ARHGAP42: variants seen among roughly 807,000 people sequenced by gnomAD.
The protein encoded by ARHGAP42 is Rho GTPase activating protein 42.
A neutral mutation model predicts 125.0 loss-of-function variants in ARHGAP42; 63 were observed. The ratio of observed to expected loss-of-function variants is 0.50; its 90% confidence interval spans 0.41 to 0.62. ARHGAP42 has a LOEUF of 0.62. Among genes scored for constraint, ARHGAP42 ranks in the 20% least tolerant of loss-of-function variants. ARHGAP42 has a pLI of 0.00. For synonymous variants in ARHGAP42, 339 were observed against 351.0 expected, an observed-to-expected ratio of 0.97 and a Z score of 0.38; for missense variants, 766 against 1,024.2, an observed-to-expected ratio of 0.75 and a Z score of 3.44.
chr11:100,957,616 T>G (rs1857839718), intron 12 of ARHGAP42, among the ~76,000 whole-genome samples: 1 of 152,128 alleles, frequency 6.6e-6, no homozygotes, highest in Non-Finnish European at 1.5e-5. Flanking sequence ...TGGTTATTTT[T>G]GCCAACACAG....
At chr11:100,980,559 C>T (rs4298870) in intron 22 of ARHGAP42, among the ~76,000 whole-genome samples, 21 of 51,944 alleles carry the variant, frequency 4.0e-4, no homozygotes, top group Non-Finnish European at 5.8e-4. Context: ...TTTTCTTCTT[C>T]TTTTTTTTTT....
chr11:100,930,032 G>C (rs1736979236), intron 6 of ARHGAP42, among the ~76,000 whole-genome samples: 1 of 152,174 alleles, frequency 6.6e-6, no homozygotes, highest in African/African-American at 2.4e-5. Flanking sequence ...CTATACCCTT[G>C]GGAATAATAA....
chr11:100,820,968 G>GT (rs1864391836), intron 3 of ARHGAP42, among the ~76,000 whole-genome samples: 2 of 139,510 alleles, frequency 1.4e-5, no homozygotes, highest in Non-Finnish European at 3.1e-5. Context: ...TTGTTTGTTT[G>GT]TTTTTGTTTT....
At chr11:100,969,925 G>A (rs1469009605) in intron 17 of ARHGAP42, among the ~76,000 whole-genome samples, 1 of 151,992 alleles carries the variant, frequency 6.6e-6, no homozygotes, top group Non-Finnish European at 1.5e-5. Flanking sequence ...CTGTTTTGTA[G>A]CAACGAATAC....
intron 3 of ARHGAP42, among the ~76,000 whole-genome samples, chr11:100,832,861 A>G (rs1045747237): frequency 2.6e-5 from 4 of 152,212 alleles, no homozygotes; most frequent in African/African-American, 7.2e-5. Flanking sequence ...GCTGAACCTG[A>G]ATCCAAGTAA....
intron 22 of ARHGAP42, 58 bp from the exon 23 acceptor site, chr11:100,987,455 A>C: frequency 1.5e-6 from 2 of 1,357,906 alleles, no homozygotes; most frequent in African/African-American, 1.5e-5. Context: ...AAGAGTTTTA[A>C]ATATAGATGT....
intron 1 of ARHGAP42, among the ~76,000 whole-genome samples, chr11:100,750,203 C>T (rs1862412616): frequency 6.6e-6 from 1 of 152,194 alleles, no homozygotes; most frequent in Non-Finnish European, 1.5e-5. Flanking sequence ...TAATTCTCTG[C>T]AAGGCAACGT....
At chr11:100,979,163 T>A in intron 22 of ARHGAP42, 114 bp downstream of exon 22, 1 of 1,025,292 alleles carries the variant, frequency 9.8e-7, no homozygotes, top group Non-Finnish European at 1.5e-6. Context: ...GATGGTCAAA[T>A]TTAAGTCCAC....
intron 1 of ARHGAP42, among the ~76,000 whole-genome samples, chr11:100,750,160 CA>C (rs1862411976): frequency 6.6e-6 from 1 of 152,220 alleles, no homozygotes; most frequent in Non-Finnish European, 1.5e-5. Flanking sequence ...GGTGCTGCAA[CA>C]GAAATAGCAC....
At chr11:100,962,997 GGTAA>G (rs1440108552) in intron 16 of ARHGAP42, among the ~76,000 whole-genome samples, 2 of 152,192 alleles carry the variant, frequency 1.3e-5, no homozygotes, top group Non-Finnish European at 2.9e-5. Flanking sequence ...GACCTCATTG[GGTAA>G]GTGTGGTGAT....
At chr11:100,764,119 C>T (rs1862775947) in intron 1 of ARHGAP42, among the ~76,000 whole-genome samples, 1 of 151,120 alleles carries the variant, frequency 6.6e-6, no homozygotes, top group Non-Finnish European at 1.5e-5. Flanking sequence ...AACTCCTTTG[C>T]TCAGTGATCT....
intron 12 of ARHGAP42, among the ~76,000 whole-genome samples, chr11:100,952,957 A>G (rs1351800946): frequency 6.6e-6 from 1 of 151,768 alleles, no homozygotes; most frequent in Non-Finnish European, 1.5e-5. Context: ...TTGGTATCAA[A>G]CTCCTGTCGA....
intron 8 of ARHGAP42, among the ~76,000 whole-genome samples, chr11:100,940,836 A>T (rs1867864068): frequency 3.0e-5 from 1 of 33,032 alleles, no homozygotes; most frequent in Admixed American, 4.2e-4. Context: ...TGTAAGGATT[A>T]AGAACTCATA....
chr11:100,842,378 A>C (rs1864963768), intron 3 of ARHGAP42, among the ~76,000 whole-genome samples: 1 of 152,218 alleles, frequency 6.6e-6, no homozygotes, highest in Admixed American at 6.5e-5. Flanking sequence ...AGCAGCAACT[A>C]TTTTTTCACC....
At chr11:100,737,455 T>A (rs1192096558) in intron 1 of ARHGAP42, among the ~76,000 whole-genome samples, 1 of 152,230 alleles carries the variant, frequency 6.6e-6, no homozygotes, top group Admixed American at 6.5e-5. Context: ...TTTTTGGCTA[T>A]CATTATCACT....
At chr11:100,925,171 T>G (rs1351767866) in intron 6 of ARHGAP42, among the ~76,000 whole-genome samples, 2 of 151,958 alleles carry the variant, frequency 1.3e-5, no homozygotes, top group Non-Finnish European at 2.9e-5. Context: ...ATAAGCCATC[T>G]TTTTTCCAGT....
chr11:100,977,874 T>C (rs1858432518), intron 21 of ARHGAP42, among the ~76,000 whole-genome samples: 1 of 152,240 alleles, frequency 6.6e-6, no homozygotes, highest in Non-Finnish European at 1.5e-5. Context: ...GACATTTTAA[T>C]TATTCATTAA....
At chr11:100,938,667 G>A (rs1867799068) in intron 8 of ARHGAP42, among the ~76,000 whole-genome samples, 1 of 152,008 alleles carries the variant, frequency 6.6e-6, no homozygotes. Flanking sequence ...CCTTCCTCCT[G>A]TCTGTTCCCA....
intron 3 of ARHGAP42, among the ~76,000 whole-genome samples, chr11:100,838,062 T>A (rs1864857798): frequency 6.6e-6 from 1 of 151,646 alleles, no homozygotes; most frequent in South Asian, 2.1e-4. Context: ...AGTTCCTGAG[T>A]CTGTCTGTCT....
Sources: allele counts gnomAD v4.1 joint callset (sites outside exome capture counted in the v4.1 genomes callset), GRCh38; gene constraint gnomAD v4.1.1; transcripts MANE v1.5; gene names NCBI Gene and HGNC (gene_info 2026-07-23, HGNC 2026-07-21).